NRG3: variants seen among roughly 807,000 people sequenced by gnomAD.
NRG3 encodes neuregulin 3.
A neutral mutation model predicts 66.9 loss-of-function variants in NRG3; 31 were observed. The ratio of observed to expected loss-of-function variants is 0.46; its 90% CI spans 0.35 to 0.63. NRG3 has a LOEUF of 0.63. Ranked by LOEUF, NRG3 falls within the 20% of genes least tolerant of loss-of-function variation. The probability of loss-of-function intolerance (pLI) is 0.00; values close to 1 mark genes in which losing one functional copy is unlikely to be tolerated. For missense variants in NRG3, 910 were observed against 878.9 expected (o/e 1.04, Z -0.45); for synonymous variants, 393 against 359.4 (o/e 1.09, Z -1.06).
intron 1 of NRG3, among the ~76,000 whole-genome samples, chr10:81,922,633 G>A (rs1846363367): frequency 6.6e-6 from 1 of 152,080 alleles, no homozygotes; most frequent in Non-Finnish European, 1.5e-5. Flanking sequence ...ATAAAAATTT[G>A]TCTTTAGTTT....
chr10:82,433,608 C>A (rs758897743), intron 2 of NRG3, among the ~76,000 whole-genome samples: 7 of 152,150 alleles, frequency 4.6e-5, no homozygotes, highest in African/African-American at 1.4e-4. Context: ...TTTAATCCAT[C>A]TTCAATTAAT....
chr10:81,963,363 G>A (rs2059602770), intron 1 of NRG3, among the ~76,000 whole-genome samples: 1 of 151,168 alleles, frequency 6.6e-6, no homozygotes, highest in Non-Finnish European at 1.5e-5. Flanking sequence ...TCGATCTCCT[G>A]ACCTCGTGAT....
At chr10:82,700,209 G>A (rs2055757206) in intron 2 of NRG3, among the ~76,000 whole-genome samples, 1 of 152,084 alleles carries the variant, frequency 6.6e-6, no homozygotes, top group Non-Finnish European at 1.5e-5. Flanking sequence ...AGGTTACATG[G>A]TAGACTGAGA....
chr10:82,492,493 A>G (rs1352476717), intron 2 of NRG3, among the ~76,000 whole-genome samples: 17 of 152,162 alleles, frequency 1.1e-4, no homozygotes, highest in Non-Finnish European at 1.5e-5. Context: ...GTTAAGCTTA[A>G]ATTTCCCCCT....
chr10:82,332,482 A>G (rs1397768783), intron 1 of NRG3, among the ~76,000 whole-genome samples: 2 of 152,102 alleles, frequency 1.3e-5, no homozygotes, highest in Non-Finnish European at 2.9e-5. Flanking sequence ...TATTAATCCA[A>G]CACTGACCAG....
intron 2 of NRG3, among the ~76,000 whole-genome samples, chr10:82,362,748 A>T (rs1427118880): frequency 6.6e-6 from 1 of 151,876 alleles, no homozygotes; most frequent in Non-Finnish European, 1.5e-5. Context: ...ATTGTGGTAT[A>T]TTGTGGGACT....
chr10:82,400,162 T>G (rs2086984642), intron 2 of NRG3, among the ~76,000 whole-genome samples: 1 of 152,148 alleles, frequency 6.6e-6, no homozygotes, highest in South Asian at 2.1e-4. Context: ...TTCAGAGAAT[T>G]TAAGTGATAA....
chr10:82,414,944 C>T (rs1423186951), intron 2 of NRG3, among the ~76,000 whole-genome samples: 1 of 152,150 alleles, frequency 6.6e-6, no homozygotes, highest in Non-Finnish European at 1.5e-5. Context: ...GGATGAGGCT[C>T]ACTCATCACC....
intron 4 of NRG3, among the ~76,000 whole-genome samples, chr10:82,872,181 T>A (rs1443870142): frequency 6.6e-6 from 1 of 152,152 alleles, no homozygotes; most frequent in East Asian, 1.9e-4. Context: ...GTGATTTTTT[T>A]AGTCTCTTGA....
intron 2 of NRG3, among the ~76,000 whole-genome samples, chr10:82,732,759 G>A (rs377339059): frequency 6.3e-4 from 96 of 152,322 alleles, no homozygotes; most frequent in African/African-American, 2.3e-3. Context: ...AAAAGGCAGA[G>A]CAGCCAGGCT....
intron 1 of NRG3, among the ~76,000 whole-genome samples, chr10:82,073,489 A>G (rs915336307): frequency 2.0e-5 from 3 of 152,154 alleles, no homozygotes; most frequent in African/African-American, 7.2e-5. Flanking sequence ...GGCACTTTTT[A>G]TCCATGATCA....
At chr10:82,007,359 G>A (rs545946440) in intron 1 of NRG3, among the ~76,000 whole-genome samples, 28 of 151,732 alleles carry the variant, frequency 1.8e-4, no homozygotes, top group South Asian at 4.2e-4. Flanking sequence ...ACAGGCGCAC[G>A]CCACCATGCC....
chr10:82,814,118 A>G (rs544254878), intron 3 of NRG3, among the ~76,000 whole-genome samples: 4 of 152,298 alleles, frequency 2.6e-5, no homozygotes, highest in Non-Finnish European at 1.5e-5. Context: ...TTTGTAGTAT[A>G]ATTGAATTGC....
At chr10:82,099,976 C>T (rs2066622928) in intron 1 of NRG3, among the ~76,000 whole-genome samples, 2 of 101,276 alleles carry the variant, frequency 2.0e-5, no homozygotes, top group Admixed American at 2.2e-4. Context: ...GAACAATACC[C>T]TGTCTCTAAT....
In NRG3 at chr10:82,306,900, C is replaced by G. The variant is rs539089819; in HGVS notation, c.824-51839C>G. On this transcript the variant is annotated intron_variant, in intron 1 of 8. Coordinates refer to ENST00000372141, the MANE Select transcript of NRG3 (RefSeq NM_001010848.4). ...TTTTCTAGACTATTATTCACTTCAT[C>G]AAGCTGTAGCTCTATGAAGTTTTGA... Among the ~76,000 whole-genome samples the G allele has an allele frequency of 5.3e-5, 8 of 152,078 alleles. 1 individual carries two copies. The highest frequency in any genetic ancestry group is 3.3e-4 in the Admixed American group (5 of 15,266).
At chr10:82,748,229 T>C (rs2058720990) in intron 3 of NRG3, among the ~76,000 whole-genome samples, 1 of 151,770 alleles carries the variant, frequency 6.6e-6, no homozygotes, top group Admixed American at 6.6e-5. Flanking sequence ...CATATATTGA[T>C]TTGAACTTGA....
chr10:82,126,001 A>G (rs1450641349), intron 1 of NRG3, among the ~76,000 whole-genome samples: 1 of 152,082 alleles, frequency 6.6e-6, no homozygotes, highest in Admixed American at 6.6e-5. Context: ...TGTGGTGACC[A>G]TGAAATTTAT....
intron 2 of NRG3, among the ~76,000 whole-genome samples, chr10:82,735,360 A>T (rs952151115): frequency 6.6e-6 from 1 of 152,202 alleles, no homozygotes; most frequent in African/African-American, 2.4e-5. Context: ...AGGGATAAAG[A>T]AATACAAAGA....
At chr10:81,964,488 C>T (rs778330938) in intron 1 of NRG3, among the ~76,000 whole-genome samples, 2 of 150,664 alleles carry the variant, frequency 1.3e-5, no homozygotes, top group Non-Finnish European at 3.0e-5. Context: ...CATGACCGTA[C>T]AGTAGTGAAT....
Sources: allele counts gnomAD v4.1 joint callset (sites outside exome capture counted in the v4.1 genomes callset), GRCh38; gene constraint gnomAD v4.1.1; transcripts MANE v1.5; gene names NCBI Gene and HGNC (gene_info 2026-07-23, HGNC 2026-07-21).